The following NSG1 variants were observed in gnomAD, a reference collection of about 807,000 sequenced individuals.
The protein encoded by NSG1 is neuronal vesicle trafficking associated 1.
A neutral mutation model predicts 19.3 loss-of-function variants in NSG1; 9 were observed. That is an observed-to-expected ratio of 0.47 (90% CI 0.28 to 0.81). The LOEUF (loss-of-function observed/expected upper bound fraction) is 0.81, where lower values mean the gene tolerates loss of function less well. Among genes scored for constraint, NSG1 ranks in the 40% least tolerant of loss-of-function variants. NSG1 has a pLI of 0.11. For synonymous variants in NSG1, 104 were observed against 107.0 expected (o/e 0.97, Z 0.17); for missense variants, 236 against 242.4 (o/e 0.97, Z 0.18).
intron 4 of NSG1, among the ~76,000 whole-genome samples, chr4:4,416,414 CAG>C (rs1479790863): frequency 6.6e-6 from 1 of 152,164 alleles, no homozygotes; most frequent in Non-Finnish European, 1.5e-5. Context: ...GAGCTGGTAA[CAG>C]AGAATGGATT....
Position 4,403,659 on chromosome 4 carries a change from T to C in NSG1, c.247-5914T>C, listed in dbSNP as rs142944766. On this transcript the variant is annotated intron_variant, in intron 3 of 4. Transcript: ENST00000621129. ...TACATTTCCGGGAGTAGGACCTGGG[T>C]GTCTTTAGGGCCGTTATTCAGCCAA... 2.0e-3 allele frequency among the ~76,000 whole-genome samples: 305 copies of C among 152,290 alleles called. 4 individuals are homozygous for C. The highest frequency in any genetic ancestry group is 9.8e-3 in the Admixed American group (150 of 15,300).
intron 3 of NSG1, among the ~76,000 whole-genome samples, chr4:4,396,731 T>C (rs1157819738): frequency 6.6e-6 from 1 of 150,420 alleles, no homozygotes. Context: ...TGTTCCCTAA[T>C]GACCTTGAGC....
chr4:4,401,526 C>T (rs1474188146), intron 3 of NSG1, among the ~76,000 whole-genome samples: 1 of 152,208 alleles, frequency 6.6e-6, no homozygotes, highest in East Asian at 1.9e-4. Context: ...CCCTGGTAAG[C>T]TCCTCCTCCT....
intron 4 of NSG1, among the ~76,000 whole-genome samples, chr4:4,410,846 C>G (rs563272654): frequency 1.3e-5 from 2 of 152,212 alleles, no homozygotes; most frequent in Admixed American, 1.3e-4. Flanking sequence ...TCACTGTAAC[C>G]TTTTTACTTC....
intron 3 of NSG1, among the ~76,000 whole-genome samples, chr4:4,394,925 C>G (rs77079407): frequency 1.8e-3 from 277 of 152,320 alleles, no homozygotes; most frequent in South Asian, 3.7e-3. Context: ...CAGCTCTCAC[C>G]AAGTCAGACA....
chr4:4,391,644 G>A (rs765753429), intron 3 of NSG1, 53 bp downstream of exon 3: 32 of 1,255,848 alleles, frequency 2.5e-5, no homozygotes, highest in Non-Finnish European at 3.5e-5. Context: ...GAAGGGGTCT[G>A]CTGAGCTGCA....
chr4:4,413,157 C>T (rs1724311200), intron 4 of NSG1, among the ~76,000 whole-genome samples: 1 of 152,062 alleles, frequency 6.6e-6, no homozygotes, highest in Non-Finnish European at 1.5e-5. Flanking sequence ...CAGCCCCCTG[C>T]CTTCACGAGG....
rs1724620671 is a variant in NSG1, at chr4:4,417,345, C to T, written c.468C>T (p.Ser156=). The change falls in exon 5 of 5, where the codon AGC becomes AGT. Residue 156 remains serine, a synonymous_variant. Coordinates refer to ENST00000621129, the MANE Select transcript of NSG1 (RefSeq NM_014392.5). The part of the protein sequence containing the change: ...VINHYNLAKQ[S]ITRSVSPWMS... The stretch of plus-strand genomic sequence containing the variant: ...ACCACTACAACCTGGCCAAGCAGAG[C>T]ATCACGCGCTCCGTATCGCCCTGGA... 3.1e-6 allele frequency: 5 copies of T among 1,614,082 alleles called. No individual in the cohort carries two copies. Among genetic ancestry groups the T allele is most frequent in the Non-Finnish European group, 4.2e-6 (5 of 1,180,052 alleles).
At chr4:4,400,117 T>G (rs1164709913) in intron 3 of NSG1, among the ~76,000 whole-genome samples, 1 of 152,230 alleles carries the variant, frequency 6.6e-6, no homozygotes, top group African/African-American at 2.4e-5. Context: ...CTTTTATATT[T>G]AGATATTTGA....
chr4:4,387,389 G>T (rs1279002177), intron 1 of NSG1, among the ~76,000 whole-genome samples: 1 of 152,148 alleles, frequency 6.6e-6, no homozygotes, highest in Admixed American at 6.5e-5. Context: ...TGCGCCCGGC[G>T]CTTGGGTCCT....
intron 3 of NSG1, among the ~76,000 whole-genome samples, chr4:4,395,176 G>T (rs546686502): frequency 2.0e-4 from 31 of 152,214 alleles, no homozygotes; most frequent in Non-Finnish European, 3.2e-4. Flanking sequence ...ACTTGCTGTG[G>T]GGTGGATGTG....
At chr4:4,411,840 T>G (rs1368413320) in intron 4 of NSG1, among the ~76,000 whole-genome samples, 4 of 106,516 alleles carry the variant, frequency 3.8e-5, no homozygotes, top group Non-Finnish European at 8.1e-5. Context: ...CTGAAGCTCT[T>G]TTAGAGTTAA....
chr4:4,404,441 C>T (rs1376455121), intron 3 of NSG1, among the ~76,000 whole-genome samples: 4 of 152,330 alleles, frequency 2.6e-5, no homozygotes, highest in Middle Eastern at 3.4e-3. Flanking sequence ...GGCGTTGGGG[C>T]GAATGCCCTT....
At chr4:4,391,676 C>A in intron 3 of NSG1, 85 bp downstream of exon 3, 1 of 837,850 alleles carries the variant, frequency 1.2e-6, no homozygotes, top group Non-Finnish European at 1.9e-6. Context: ...CAGGGAGGGC[C>A]AGGGTTTGAC....
rs748239676 is a variant in NSG1 at position 4,391,579 on chromosome 4, C to A, written c.234C>A (p.Thr78=). 6.2e-7 allele frequency: 1 copy of A among 1,610,112 alleles called. No individual in the cohort carries two copies. Among genetic ancestry groups the A allele is most frequent in the Non-Finnish European group, 8.5e-7 (1 of 1,177,968 alleles). ...CCGTCAGCATCACGGAGGGTGTCAC[C>A]GAGAGGTTTAAGGTGAGTGGTCCTG... ...EFTVSITEGV[T]ERFKVSVLVL... Residue 78 remains threonine, a synonymous_variant, in exon 3 of 5, where the codon ACC becomes ACA. Transcript: ENST00000621129.
intron 3 of NSG1, among the ~76,000 whole-genome samples, chr4:4,397,737 G>A (rs552913078): frequency 2.0e-5 from 3 of 152,208 alleles, no homozygotes; most frequent in African/African-American, 4.8e-5. Flanking sequence ...CCCAAGCCTC[G>A]AGGACACATA....
At chr4:4,414,058 C>G (rs943205486) in intron 4 of NSG1, among the ~76,000 whole-genome samples, 4 of 152,082 alleles carry the variant, frequency 2.6e-5, no homozygotes, top group Non-Finnish European at 5.9e-5. Context: ...TGGCTACTTA[C>G]AAATAACTGA....
At chr4:4,400,143 T>G (rs890732990) in intron 3 of NSG1, among the ~76,000 whole-genome samples, 2 of 152,192 alleles carry the variant, frequency 1.3e-5, no homozygotes, top group African/African-American at 4.8e-5. Context: ...TTGAGTTAGT[T>G]TTTATATATG....
intron 4 of NSG1, among the ~76,000 whole-genome samples, chr4:4,413,899 G>A (rs1724366100): frequency 6.6e-6 from 1 of 152,008 alleles, no homozygotes; most frequent in Non-Finnish European, 1.5e-5. Context: ...GAGGCAGAGG[G>A]GTAAAAGGAA....
Sources: allele counts gnomAD v4.1 joint callset (sites outside exome capture counted in the v4.1 genomes callset), GRCh38; gene constraint gnomAD v4.1.1; transcripts MANE v1.5; gene names NCBI Gene and HGNC (gene_info 2026-07-23, HGNC 2026-07-21).